Variants in TLN2 observed in about 807,000 individuals in gnomAD.
TLN2 encodes talin-2.
A neutral mutation model predicts 294.7 loss-of-function variants in TLN2; 118 were observed. The ratio of observed to expected loss-of-function variants is 0.40; its 90% CI spans 0.34 to 0.47. The LOEUF is 0.47. Among genes scored for constraint, TLN2 ranks in the 20% least tolerant of loss-of-function variants. TLN2 has a pLI of 0.84. For missense variants in TLN2, 3,083 were observed against 3,282.2 expected (o/e 0.94, Z 1.48); for synonymous variants, 1,431 against 1,304.5 (o/e 1.10, Z -2.09).
chr15:62,644,755 T>G (rs934467380), intron 3 of TLN2: 1 of 365,434 alleles, frequency 2.7e-6, no homozygotes, highest in Non-Finnish European at 5.3e-6. Flanking sequence ...CCTTCTGAGC[T>G]CCAGTGTTAG....
chr15:62,498,170 A>G (rs1037694682), intron 1 of TLN2, among the ~76,000 whole-genome samples: 4 of 151,368 alleles, frequency 2.6e-5, no homozygotes, highest in Non-Finnish European at 2.9e-5. Context: ...AAAAAAAAAA[A>G]AAAAGAAAAA....
chr15:62,697,918 A>G (rs767584197), intron 15 of TLN2, 50 bp downstream of exon 15: 72 of 1,588,116 alleles, frequency 4.5e-5, no homozygotes, highest in Non-Finnish European at 3.3e-5. Context: ...TGCCTCCCGC[A>G]TGCAGGGTGG....
chr15:62,566,677 G>A (rs773396346), intron 1 of TLN2, among the ~76,000 whole-genome samples: 1 of 147,850 alleles, frequency 6.8e-6, no homozygotes, highest in African/African-American at 2.5e-5. Flanking sequence ...AGGCTGGAGC[G>A]CAGTGGCACA....
intron 8 of TLN2, among the ~76,000 whole-genome samples, chr15:62,656,720 A>T (rs1201831562): frequency 6.6e-6 from 1 of 152,144 alleles, no homozygotes; most frequent in African/African-American, 2.4e-5. Context: ...CTGCCCATAG[A>T]AATAATGTAG....
Position 62,719,764 on chromosome 15 carries a change from C to G in TLN2, c.2878-3C>G, listed in dbSNP as rs2060011874. On this transcript the variant is annotated splice_region_variant and splice_polypyrimidine_tract_variant and intron_variant, in intron 24 of 58. Transcript: ENST00000636159. Reference sequence around the variant, plus strand: ...GCTGTTTTTATTTCCTTGCCTTCTGCAGGCAGTGGCTGATCACATCCCTCA... The same window carrying G: ...GCTGTTTTTATTTCCTTGCCTTCTGGAGGCAGTGGCTGATCACATCCCTCA... 6.3e-7 allele frequency: 1 copy of G among 1,593,632 alleles called. No individual in the cohort carries two copies. Among genetic ancestry groups the G allele is most frequent in the African/African-American group, 1.3e-5 (1 of 74,140 alleles).
intron 9 of TLN2, among the ~76,000 whole-genome samples, chr15:62,661,114 G>T (rs2053774832): frequency 6.6e-6 from 1 of 152,140 alleles, no homozygotes; most frequent in Non-Finnish European, 1.5e-5. Context: ...CTAATTTCTA[G>T]ACCTTTAAAA....
chr15:62,580,208 C>A (rs972286295), intron 1 of TLN2, among the ~76,000 whole-genome samples: 1 of 152,162 alleles, frequency 6.6e-6, no homozygotes, highest in Admixed American at 6.5e-5. Flanking sequence ...TTCTTCGGAG[C>A]AGTTTTGGGT....
intron 1 of TLN2, among the ~76,000 whole-genome samples, chr15:62,404,481 T>C (rs370230309): frequency 1.9e-3 from 282 of 152,256 alleles, no homozygotes; most frequent in African/African-American, 6.1e-3. Context: ...TTTGAGCTCA[T>C]TGGGGAGTTC....
intron 9 of TLN2, among the ~76,000 whole-genome samples, chr15:62,661,944 ACTGC>A (rs756003705): frequency 3.3e-5 from 5 of 152,190 alleles, no homozygotes; most frequent in Non-Finnish European, 7.4e-5. Flanking sequence ...TGTGCCTAAC[ACTGC>A]CTTAAATGTA....
intron 31 of TLN2, 58 bp from the exon 32 acceptor site, chr15:62,740,572 A>G: frequency 1.2e-6 from 2 of 1,606,448 alleles, no homozygotes. Flanking sequence ...AGCTCTCTGA[A>G]TGCCTCCTTC....
intron 1 of TLN2, among the ~76,000 whole-genome samples, chr15:62,556,795 GTCT>G (rs2042629480): frequency 6.6e-6 from 1 of 152,148 alleles, no homozygotes; most frequent in Non-Finnish European, 1.5e-5. Context: ...AGGCATCCTT[GTCT>G]TCTTCCTGAT....
At chr15:62,689,335 A>G (rs1414610820) in intron 12 of TLN2, among the ~76,000 whole-genome samples, 1 of 152,128 alleles carries the variant, frequency 6.6e-6, no homozygotes, top group Non-Finnish European at 1.5e-5. Context: ...TTTTTTCAGT[A>G]TACACATAAG....
rs1437289600 is a variant in TLN2 at position 62,770,836 on chromosome 15, C to T, written c.5197-128C>T. On this transcript the variant is annotated intron_variant, in intron 41 of 58. Coordinates refer to ENST00000636159, the MANE Select transcript of TLN2 (RefSeq NM_015059.3). The stretch of plus-strand genomic sequence containing the variant: ...AGCAAGCACTTTCAGCAGTAAATTG[C>T]AGCAGATCTGCCTCTCCCTGTGAGT... The T allele has an allele frequency of 9.7e-6, 11 of 1,138,392 alleles. No homozygotes were observed. The East Asian group carries it at 2.0e-4, about 20-fold the overall frequency. The allele number at this position is 1,138,392 out of a possible 1,614,324, so 70.5% of individuals were successfully genotyped here.
At chr15:62,798,909 G>C (rs1194993539) in intron 48 of TLN2, among the ~76,000 whole-genome samples, 2 of 152,166 alleles carry the variant, frequency 1.3e-5, no homozygotes, top group Non-Finnish European at 2.9e-5. Flanking sequence ...AAAAACCTCC[G>C]CTACAGGTGG....
chr15:62,743,726 G>C (rs62004627), intron 32 of TLN2, among the ~76,000 whole-genome samples: 2,333 of 152,178 alleles, frequency 0.015, 24 homozygotes, highest in Non-Finnish European at 0.024. Context: ...CAAAACGAAG[G>C]GGGTATCCTA....
At chr15:62,398,457 T>C (rs992254983) in intron 1 of TLN2, among the ~76,000 whole-genome samples, 1 of 152,156 alleles carries the variant, frequency 6.6e-6, no homozygotes, top group Admixed American at 6.5e-5. Flanking sequence ...GGTGCTGCTA[T>C]AAAGATACCT....
chr15:62,434,692 T>A (rs750898537), intron 1 of TLN2, among the ~76,000 whole-genome samples: 5 of 152,256 alleles, frequency 3.3e-5, no homozygotes, highest in Non-Finnish European at 5.9e-5. Flanking sequence ...TCAGACTGCC[T>A]ATATTTGCCA....
chr15:62,550,816 C>T (rs181071817), intron 1 of TLN2, among the ~76,000 whole-genome samples: 1 of 152,264 alleles, frequency 6.6e-6, no homozygotes, highest in Admixed American at 6.5e-5. Flanking sequence ...AGGTCCCCAA[C>T]CTTTTTGGTT....
intron 2 of TLN2, among the ~76,000 whole-genome samples, chr15:62,597,456 G>T (rs1300130392): frequency 6.6e-6 from 1 of 152,190 alleles, no homozygotes; most frequent in Non-Finnish European, 1.5e-5. Flanking sequence ...TTATACTGCA[G>T]CAGCTATCTT....
Sources: allele counts gnomAD v4.1 joint callset (sites outside exome capture counted in the v4.1 genomes callset), GRCh38; gene constraint gnomAD v4.1.1; transcripts MANE v1.5; gene names NCBI Gene and HGNC (gene_info 2026-07-23, HGNC 2026-07-21).